The following PTPRD variants were observed in gnomAD, a reference collection of about 807,000 sequenced individuals.
PTPRD encodes protein tyrosine phosphatase receptor type D.
In PTPRD, 34 loss-of-function variants were observed where a neutral mutation model predicts 214.5. The ratio of observed to expected loss-of-function variants is 0.16; its 90% CI spans 0.12 to 0.21. The LOEUF is 0.21. Ranked by LOEUF, PTPRD falls within the 10% of genes least tolerant of loss-of-function variation. The pLI, the probability that PTPRD is intolerant of heterozygous loss-of-function variation, is 1.00. For synonymous variants in PTPRD, 1,128 were observed against 845.7 expected, an observed-to-expected ratio of 1.33 and a Z score of -5.79; for missense variants, 2,545 against 2,398.7, an observed-to-expected ratio of 1.06 and a Z score of -1.27.
chr9:9,183,954 G>A (rs2099929822), intron 9 of PTPRD, among the ~76,000 whole-genome samples: 1 of 151,864 alleles, frequency 6.6e-6, no homozygotes, highest in African/African-American at 2.4e-5. Context: ...ATATAAAAAG[G>A]CACAATGTCT....
chr9:9,626,116 T>C (rs539468717), intron 7 of PTPRD, among the ~76,000 whole-genome samples: 18 of 152,326 alleles, frequency 1.2e-4, no homozygotes, highest in Non-Finnish European at 2.6e-4. Context: ...TATCAACGTG[T>C]GGTCTAGAAT....
chr9:8,736,646 G>A (rs113818919), intron 11 of PTPRD, among the ~76,000 whole-genome samples: 1,761 of 151,164 alleles, frequency 0.012, 35 homozygotes, highest in African/African-American at 0.041. Context: ...TTTGAATGCA[G>A]GAAAGATAAA....
intron 11 of PTPRD, among the ~76,000 whole-genome samples, chr9:8,911,412 G>GT (rs1193959261): frequency 5.2e-4 from 66 of 126,048 alleles, no homozygotes; most frequent in African/African-American, 2.1e-3. Flanking sequence ...GTGTGTGTGT[G>GT]TGTTGTGTGT....
intron 3 of PTPRD, among the ~76,000 whole-genome samples, chr9:10,177,768 C>A (rs925400382): frequency 2.6e-5 from 4 of 151,818 alleles, no homozygotes; most frequent in African/African-American, 9.7e-5. Context: ...CTTAGCTCTG[C>A]CTATGTTCTG....
At chr9:9,250,259 C>T (rs1359078016) in intron 9 of PTPRD, among the ~76,000 whole-genome samples, 1 of 152,062 alleles carries the variant, frequency 6.6e-6, no homozygotes, top group Non-Finnish European at 1.5e-5. Flanking sequence ...GATGTTTTCA[C>T]CTATGATGTA....
intron 12 of PTPRD, among the ~76,000 whole-genome samples, chr9:8,723,564 C>T (rs956458522): frequency 3.3e-5 from 5 of 152,012 alleles, no homozygotes; most frequent in Admixed American, 6.6e-5. Flanking sequence ...TGTAGTCATG[C>T]GCTGAATGAA....
intron 8 of PTPRD, among the ~76,000 whole-genome samples, chr9:9,565,285 ATC>A (rs1388836467): frequency 1.3e-5 from 2 of 151,790 alleles, no homozygotes; most frequent in Non-Finnish European, 2.9e-5. Context: ...GAATTTTCTG[ATC>A]TGAAAAAATA....
intron 12 of PTPRD, among the ~76,000 whole-genome samples, chr9:8,690,871 C>T (rs559350431): frequency 2.6e-5 from 4 of 152,118 alleles, no homozygotes; most frequent in Admixed American, 1.3e-4. Flanking sequence ...ACCTAGACCT[C>T]CCTTTTAACA....
At chr9:10,169,201 G>A (rs1295961538) in intron 3 of PTPRD, among the ~76,000 whole-genome samples, 4 of 152,102 alleles carry the variant, frequency 2.6e-5, no homozygotes, top group South Asian at 2.1e-4. Context: ...CAGGCCGGGC[G>A]CGGTGGCTCA....
intron 5 of PTPRD, among the ~76,000 whole-genome samples, chr9:9,822,037 A>G (rs10978012): frequency 0.099 from 15,041 of 151,608 alleles, 2,277 homozygotes; most frequent in East Asian, 0.74. Flanking sequence ...TTATCTGTAC[A>G]TTTGCCAAAG....
In PTPRD at chr9:8,920,167, C is replaced by T. The variant is rs114371297; in HGVS notation, c.-104+98530G>A. 7.1e-3 allele frequency among the ~76,000 whole-genome samples: 1,079 copies of T among 152,044 alleles called. 19 individuals are homozygous for T. Among genetic ancestry groups the T allele is most frequent in the African/African-American group, 0.025 (1,046 of 41,486 alleles). On this transcript the variant is annotated intron_variant, in intron 11 of 45. Coordinates refer to ENST00000381196, the MANE Select transcript of PTPRD (RefSeq NM_002839.4). ...ACCACCCCGGGCAACACGGCAAATT[C>T]CCATCTCTACTAACATACCAAAAAT...
At chr9:10,210,520 G>C (rs553179072) in intron 3 of PTPRD, among the ~76,000 whole-genome samples, 4 of 151,736 alleles carry the variant, frequency 2.6e-5, no homozygotes, top group South Asian at 4.2e-4. Context: ...TGCCAAGGAG[G>C]GGGGGCTTCT....
chr9:8,485,484 C>T, intron 28 of PTPRD, 160 bp from the exon 29 acceptor site: 1 of 625,790 alleles, frequency 1.6e-6, no homozygotes, highest in Non-Finnish European at 2.8e-6. Context: ...TTTAATACCC[C>T]ATTCTCACAG....
rs192255629 is a variant in PTPRD, at chr9:9,925,377, C to T, written c.-368+13130G>A. Among the ~76,000 whole-genome samples the T allele has an allele frequency of 5.9e-5, 9 of 152,054 alleles. No individual in the cohort carries two copies. The South Asian group carries it at 6.2e-4, about 11-fold the overall frequency. On this transcript the variant is annotated intron_variant, in intron 5 of 45. Transcript: ENST00000381196. Reference sequence around the variant, plus strand: ...TTGAGTTTTTAAGGTAATATGTCATCTCTAACAGGAGGGTGACTGCTGAAT... The same window carrying T: ...TTGAGTTTTTAAGGTAATATGTCATTTCTAACAGGAGGGTGACTGCTGAAT...
intron 11 of PTPRD, among the ~76,000 whole-genome samples, chr9:8,832,078 C>T (rs182607515): frequency 1.0e-3 from 150 of 149,820 alleles, no homozygotes; most frequent in African/African-American, 3.2e-3. Context: ...CAAACAGTAG[C>T]CGGTGATTTA....
Position 8,644,085 on chromosome 9 carries a change from T to C in PTPRD, c.65-7241A>G, listed in dbSNP as rs748473902. On this transcript the variant is annotated intron_variant, in intron 12 of 45. Transcript: ENST00000381196. ...CCAGGCTCAGCCAAAGCAAAGCAGATGGGACAACCAGCTGCAAAAAGGCAC... is the reference window on the plus strand; with the variant it reads ...CCAGGCTCAGCCAAAGCAAAGCAGACGGGACAACCAGCTGCAAAAAGGCAC... 8.5e-5 allele frequency among the ~76,000 whole-genome samples: 13 copies of C among 152,114 alleles called. No individual in the cohort carries two copies. The East Asian group carries it at 2.5e-3, about 30-fold the overall frequency.
At chr9:10,482,010 G>T (rs2099100761) in intron 2 of PTPRD, among the ~76,000 whole-genome samples, 1 of 151,676 alleles carries the variant, frequency 6.6e-6, no homozygotes, top group South Asian at 2.1e-4. Context: ...AAGAAGGCAT[G>T]GAGTGAAAAA....
At chr9:10,323,168 TTC>T (rs372838867) in intron 3 of PTPRD, among the ~76,000 whole-genome samples, 226 of 150,782 alleles carry the variant, frequency 1.5e-3, no homozygotes, top group African/African-American at 5.2e-3. Flanking sequence ...CTCTTTTTCT[TTC>T]TCTCTTTCTT....
At chr9:9,264,354 C>T (rs992978666) in intron 9 of PTPRD, among the ~76,000 whole-genome samples, 1 of 151,512 alleles carries the variant, frequency 6.6e-6, no homozygotes, top group Non-Finnish European at 1.5e-5. Flanking sequence ...AAGAACCAAA[C>T]AAATTCTGGT....
Sources: allele counts gnomAD v4.1 joint callset (sites outside exome capture counted in the v4.1 genomes callset), GRCh38; gene constraint gnomAD v4.1.1; transcripts MANE v1.5; gene names NCBI Gene and HGNC (gene_info 2026-07-23, HGNC 2026-07-21).